The following LRRC4C variants were observed in gnomAD, a reference collection of about 807,000 sequenced individuals.
LRRC4C encodes the protein leucine-rich repeat-containing protein 4C.
A neutral mutation model predicts 33.6 loss-of-function variants in LRRC4C; 5 were observed. That is an observed-to-expected ratio of 0.15 (90% CI 0.08 to 0.31). The LOEUF (loss-of-function observed/expected upper bound fraction) is 0.31, where lower values mean the gene tolerates loss of function less well. LRRC4C is among the 10% of genes least tolerant of loss of function. The probability of loss-of-function intolerance (pLI) is 1.00; values close to 1 mark genes in which losing one functional copy is unlikely to be tolerated. For missense variants in LRRC4C, 560 were observed against 796.7 expected (o/e 0.70, Z 3.58); for synonymous variants, 329 against 302.0 (o/e 1.09, Z -0.93).
intron 1 of LRRC4C, among the ~76,000 whole-genome samples, chr11:41,255,102 T>C (rs1205968637): frequency 6.6e-6 from 1 of 152,024 alleles, no homozygotes; most frequent in Non-Finnish European, 1.5e-5. Context: ...TAGAATACTA[T>C]ACCATTCCCT....
chr11:40,507,999 C>T (rs12291689), intron 3 of LRRC4C, among the ~76,000 whole-genome samples: 6 of 152,040 alleles, frequency 3.9e-5, no homozygotes, highest in South Asian at 2.1e-4. Context: ...TGAAGTGATC[C>T]GCCCACTTCA....
intron 3 of LRRC4C, among the ~76,000 whole-genome samples, chr11:40,387,763 T>C (rs1436240933): frequency 6.6e-6 from 1 of 152,204 alleles, no homozygotes; most frequent in Non-Finnish European, 1.5e-5. Flanking sequence ...ACTCTCTTTT[T>C]ACCTCAGTTA....
At chr11:40,533,200 G>A (rs917390097) in intron 3 of LRRC4C, among the ~76,000 whole-genome samples, 2 of 152,110 alleles carry the variant, frequency 1.3e-5, no homozygotes, top group East Asian at 3.9e-4. Context: ...ATAGTGGTTT[G>A]CATTTAAACT....
intron 3 of LRRC4C, among the ~76,000 whole-genome samples, chr11:40,390,535 C>T (rs1949293872): frequency 1.3e-5 from 2 of 152,156 alleles, no homozygotes; most frequent in African/African-American, 4.8e-5. Context: ...TTTTATTAAG[C>T]ATTTACTGTG....
At chr11:40,965,196 C>T (rs536201594) in intron 1 of LRRC4C, among the ~76,000 whole-genome samples, 47 of 152,124 alleles carry the variant, frequency 3.1e-4, no homozygotes, top group South Asian at 1.7e-3. Flanking sequence ...TCATATCCTT[C>T]GCCCACTTTT....
chr11:41,200,170 C>G (rs906360935), intron 1 of LRRC4C, among the ~76,000 whole-genome samples: 2 of 152,016 alleles, frequency 1.3e-5, no homozygotes, highest in African/African-American at 4.8e-5. Flanking sequence ...ATGCAATCTT[C>G]GTGGAGATTG....
chr11:41,301,295 G>A (rs1269032306), intron 1 of LRRC4C, among the ~76,000 whole-genome samples: 6 of 152,260 alleles, frequency 3.9e-5, no homozygotes, highest in South Asian at 2.1e-4. Flanking sequence ...CTGATGAAAC[G>A]TGTGCTGAAA....
intron 3 of LRRC4C, among the ~76,000 whole-genome samples, chr11:40,345,492 C>A (rs942567137): frequency 1.3e-5 from 2 of 152,050 alleles, no homozygotes; most frequent in African/African-American, 2.4e-5. Context: ...AACTGGCTAG[C>A]CATATGCAGA....
intron 3 of LRRC4C, among the ~76,000 whole-genome samples, chr11:40,441,381 T>TA (rs753579197): frequency 2.0e-5 from 3 of 152,130 alleles, no homozygotes; most frequent in Non-Finnish European, 4.4e-5. Flanking sequence ...GATGCAAAGA[T>TA]AAAAAAACAA....
chr11:41,356,956 T>TA (rs1952183648), intron 1 of LRRC4C, among the ~76,000 whole-genome samples: 2 of 152,104 alleles, frequency 1.3e-5, no homozygotes, highest in Admixed American at 1.3e-4. Flanking sequence ...CAAGAGTGAT[T>TA]CCATAGATTA....
At chr11:40,334,045 A>G (rs1371834174) in intron 3 of LRRC4C, among the ~76,000 whole-genome samples, 1 of 152,116 alleles carries the variant, frequency 6.6e-6, no homozygotes, top group Non-Finnish European at 1.5e-5. Flanking sequence ...CAACAACAAC[A>G]AAAACTTCCT....
intron 3 of LRRC4C, among the ~76,000 whole-genome samples, chr11:40,462,195 G>T (rs981582345): frequency 5.3e-5 from 8 of 151,994 alleles, no homozygotes; most frequent in East Asian, 3.9e-4. Context: ...TATAAATAGA[G>T]GATAAAACTA....
intron 3 of LRRC4C, among the ~76,000 whole-genome samples, chr11:40,337,197 A>C (rs1429632378): frequency 1.3e-5 from 2 of 152,184 alleles, no homozygotes; most frequent in African/African-American, 2.4e-5. Context: ...TCACAGCTTC[A>C]TGAGAAAATC....
chr11:40,939,291 T>A (rs1237492237), intron 1 of LRRC4C, among the ~76,000 whole-genome samples: 1 of 152,190 alleles, frequency 6.6e-6, no homozygotes, highest in African/African-American at 2.4e-5. Context: ...CTGGTTTTAG[T>A]GCTCACATAA....
chr11:40,260,558 A>G (rs983491805), intron 4 of LRRC4C, among the ~76,000 whole-genome samples: 2 of 152,026 alleles, frequency 1.3e-5, no homozygotes, highest in African/African-American at 4.8e-5. Flanking sequence ...GTAAAAAAAA[A>G]AAATTAAAAA....
chr11:40,144,914 C>T (rs1857616049), intron 5 of LRRC4C, among the ~76,000 whole-genome samples: 1 of 152,110 alleles, frequency 6.6e-6, no homozygotes, highest in African/African-American at 2.4e-5. Context: ...CTTCTGTGTT[C>T]CTTTAACACA....
chr11:40,365,477 T>C (rs1948167300), intron 3 of LRRC4C, among the ~76,000 whole-genome samples: 4 of 152,050 alleles, frequency 2.6e-5, no homozygotes, highest in Non-Finnish European at 2.9e-5. Context: ...CCGGTTTTTT[T>C]ACCCTGTGAT....
At chr11:40,176,060 A>C (rs547998021) in intron 5 of LRRC4C, among the ~76,000 whole-genome samples, 11 of 152,070 alleles carry the variant, frequency 7.2e-5, no homozygotes, top group African/African-American at 2.7e-4. Flanking sequence ...CAGCAATATA[A>C]ATATATTATT....
intron 2 of LRRC4C, among the ~76,000 whole-genome samples, chr11:40,846,671 T>A (rs998829415): frequency 4.4e-4 from 67 of 152,170 alleles, no homozygotes; most frequent in Admixed American, 4.3e-3. Flanking sequence ...AAATTTAAAC[T>A]AGTTTTTATC....
Sources: gnomAD v4.1 joint callset for allele counts (sites outside exome capture counted in the v4.1 genomes callset) on GRCh38, gnomAD v4.1.1 for gene constraint, MANE v1.5 for transcripts, NCBI Gene and HGNC (gene_info 2026-07-23, HGNC 2026-07-21) for gene names.